Variants in TMC5 observed in about 807,000 individuals in gnomAD.
TMC5 encodes the protein transmembrane channel-like protein 5.
Under a neutral mutation model 110.5 loss-of-function variants are expected in TMC5, and 86 were observed. The ratio of observed to expected loss-of-function variants is 0.78; its 90% confidence interval spans 0.65 to 0.93. TMC5 has a LOEUF of 0.93. TMC5 is among the 40% of genes least tolerant of loss of function. TMC5 has a pLI of 0.00. For synonymous variants in TMC5, 455 were observed against 439.5 expected, an observed-to-expected ratio of 1.04 and a Z score of -0.44; for missense variants, 1,144 against 1,222.8, an observed-to-expected ratio of 0.94 and a Z score of 0.96.
At chr16:19,454,513 T>C (rs1204181108) in intron 5 of TMC5, among the ~76,000 whole-genome samples, 2 of 152,172 alleles carry the variant, frequency 1.3e-5, no homozygotes, top group Middle Eastern at 3.2e-3. Flanking sequence ...AGCTATAAAA[T>C]GGGGTTGATT....
chr16:19,438,925 A>T (rs1967417913), intron 2 of TMC5, among the ~76,000 whole-genome samples: 1 of 152,240 alleles, frequency 6.6e-6, no homozygotes, highest in African/African-American at 2.4e-5. Flanking sequence ...GTGCTGCCAC[A>T]TGCTGGGTCA....
intron 5 of TMC5, among the ~76,000 whole-genome samples, chr16:19,452,223 A>C (rs1439501447): frequency 6.6e-6 from 1 of 152,208 alleles, no homozygotes; most frequent in East Asian, 1.9e-4. Flanking sequence ...ATTACAAAGA[A>C]TATTACAAGG....
chr16:19,444,617 T>G (rs1967571555), intron 4 of TMC5, among the ~76,000 whole-genome samples: 2 of 152,202 alleles, frequency 1.3e-5, no homozygotes, highest in African/African-American at 4.8e-5. Context: ...GATGTTGATC[T>G]GTTCCAAAAT....
intron 3 of TMC5, 119 bp from the exon 4 acceptor site, chr16:19,443,962 T>G (rs8052298): frequency 1.9e-6 from 2 of 1,077,004 alleles, no homozygotes; most frequent in South Asian, 1.5e-5. Flanking sequence ...GATGGATAAA[T>G]GGATGGATAA....
intron 3 of TMC5, among the ~76,000 whole-genome samples, chr16:19,441,244 C>T (rs908103163): frequency 4.0e-5 from 6 of 151,446 alleles, no homozygotes; most frequent in African/African-American, 9.7e-5. Flanking sequence ...GATCTAACTC[C>T]GTGAAGTCGA....
intron 18 of TMC5, among the ~76,000 whole-genome samples, chr16:19,491,829 G>C (rs956614792): frequency 6.9e-6 from 1 of 144,876 alleles, no homozygotes; most frequent in Non-Finnish European, 1.5e-5. Flanking sequence ...GAGCCACCGT[G>C]CTGGGTCATC....
intron 1 of TMC5, among the ~76,000 whole-genome samples, chr16:19,424,409 G>C (rs1967048110): frequency 6.6e-6 from 1 of 152,170 alleles, no homozygotes; most frequent in African/African-American, 2.4e-5. Flanking sequence ...CCAGCCCTTT[G>C]GGAGGCCAAG....
chr16:19,459,164 G>T (rs987920573), intron 5 of TMC5, among the ~76,000 whole-genome samples: 1 of 151,992 alleles, frequency 6.6e-6, no homozygotes, highest in Non-Finnish European at 1.5e-5. Context: ...ACCTGCAAGG[G>T]GACAGGACCG....
At chr16:19,434,049 TATATA>T (rs1212050804) in intron 2 of TMC5, among the ~76,000 whole-genome samples, 1 of 6,576 alleles carries the variant, frequency 1.5e-4, no homozygotes, top group African/African-American at 4.8e-4. Flanking sequence ...ATATATAATA[TATATA>T]ATATAAATCT....
chr16:19,460,663 G>A (rs765701467), intron 6 of TMC5, among the ~76,000 whole-genome samples: 1 of 152,128 alleles, frequency 6.6e-6, no homozygotes, highest in Non-Finnish European at 1.5e-5. Context: ...CCAAAGATAA[G>A]TCATGTGATG....
At chr16:19,478,681 T>A (rs916750416) in intron 13 of TMC5, among the ~76,000 whole-genome samples, 5 of 152,182 alleles carry the variant, frequency 3.3e-5, no homozygotes, top group African/African-American at 1.2e-4. Flanking sequence ...CATTTATTCA[T>A]CCACGTATTC....
Position 19,498,229 on chromosome 16 carries a change from A to G in TMC5, c.*263A>G. The G allele has an allele frequency of 2.1e-6, 1 of 471,266 alleles. No homozygotes were observed. Among genetic ancestry groups the G allele is most frequent in the South Asian group, 2.4e-5 (1 of 41,554 alleles). The allele number at this position is 471,266 out of a possible 1,614,324, so 29.2% of individuals were successfully genotyped here. A position where few individuals can be genotyped will look rare whatever the true frequency, so the allele number is the denominator to read the frequency against. On this transcript the variant is annotated 3_prime_UTR_variant, in exon 22 of 22. Transcript: ENST00000542583. ...GTTGTAATATTGAAATGAGCCTACAAAAACCTAGGAAGAGATAACTAGGGA... is the reference window on the plus strand; with the variant it reads ...GTTGTAATATTGAAATGAGCCTACAGAAACCTAGGAAGAGATAACTAGGGA...
chr16:19,422,406 C>T (rs1295312632), intron 1 of TMC5, among the ~76,000 whole-genome samples: 1 of 152,186 alleles, frequency 6.6e-6, no homozygotes, highest in Non-Finnish European at 1.5e-5. Context: ...GCTTCCAAAC[C>T]ACTTTCCAGG....
chr16:19,423,846 GGTT>G (rs1567296193), intron 1 of TMC5, among the ~76,000 whole-genome samples: 18 of 152,154 alleles, frequency 1.2e-4, no homozygotes, highest in Admixed American at 2.6e-4. Context: ...CCACCTCCCA[GGTT>G]GAAGCGATTC....
intron 15 of TMC5, among the ~76,000 whole-genome samples, chr16:19,485,544 C>T (rs762702757): frequency 5.9e-5 from 9 of 152,164 alleles, no homozygotes; most frequent in Non-Finnish European, 1.5e-5. Context: ...GTGATCTGCC[C>T]GCTTCGGCCT....
At chr16:19,430,068 G>A (rs192125180) in intron 1 of TMC5, among the ~76,000 whole-genome samples, 1 of 152,260 alleles carries the variant, frequency 6.6e-6, no homozygotes, top group East Asian at 1.9e-4. Flanking sequence ...ATATGCCCTG[G>A]AAAGTCACAC....
intron 3 of TMC5, among the ~76,000 whole-genome samples, chr16:19,442,763 G>T (rs532112033): frequency 6.6e-6 from 1 of 152,170 alleles, no homozygotes; most frequent in Non-Finnish European, 1.5e-5. Context: ...ATAAAAAACT[G>T]GTGGCTTGTA....
At chr16:19,436,945 G>A (rs1048510668) in intron 2 of TMC5, among the ~76,000 whole-genome samples, 5 of 152,150 alleles carry the variant, frequency 3.3e-5, no homozygotes, top group Non-Finnish European at 7.4e-5. Context: ...TTGGGAGGCC[G>A]AGATCAGATT....
rs897038205 is a variant in TMC5, at chr16:19,490,578, G to A, written c.2747+10G>A. ...TCACCCTCATTGTGCTGTGAGTGTG[G>A]TACCCGGGGAATCTAGCAGGGAAAG... On this transcript the variant is annotated intron_variant, in intron 18 of 21. Transcript: ENST00000542583. 5 of 1,613,940 alleles carry A rather than the reference G, an allele frequency of 3.1e-6. No homozygotes were observed. The highest frequency in any genetic ancestry group is 4.2e-6 in the Non-Finnish European group (5 of 1,179,880).
Sources: gnomAD v4.1 joint callset for allele counts (sites outside exome capture counted in the v4.1 genomes callset) on GRCh38, gnomAD v4.1.1 for gene constraint, MANE v1.5 for transcripts, NCBI Gene and HGNC (gene_info 2026-07-23, HGNC 2026-07-21) for gene names.